Variants in GPAM observed in about 807,000 individuals in gnomAD.
The protein encoded by GPAM is glycerol-3-phosphate acyltransferase, mitochondrial.
In GPAM, 56 loss-of-function variants were observed where a neutral mutation model predicts 105.0. That is an observed-to-expected ratio of 0.53 (90% CI 0.43 to 0.67). The LOEUF is 0.67. Among genes scored for constraint, GPAM ranks in the 30% least tolerant of loss-of-function variants. The pLI, the probability that GPAM is intolerant of heterozygous loss-of-function variation, is 0.00. For missense variants in GPAM, 855 were observed against 989.8 expected (o/e 0.86, Z 1.83); for synonymous variants, 368 against 354.4 (o/e 1.04, Z -0.43).
Position 112,151,839 on chromosome 10 carries a change from T to G in GPAM, c.*1711A>C, listed in dbSNP as rs1371263650. ...AATGTAGCCAAGAAAAGTGTTCTTCTACCCTAGTCAGTAAAATGGAATGCT... is the reference window on the plus strand; with the variant it reads ...AATGTAGCCAAGAAAAGTGTTCTTCGACCCTAGTCAGTAAAATGGAATGCT... On this transcript the variant is annotated 3_prime_UTR_variant, in exon 22 of 22. Transcript: ENST00000348367. 1 of 985,118 alleles carries G rather than the reference T, an allele frequency of 1.0e-6. No homozygotes were observed. Among genetic ancestry groups the G allele is most frequent in the Non-Finnish European group, 1.2e-6 (1 of 829,750 alleles). 61.0% of individuals were successfully genotyped at this position (985,118 alleles called of 1,614,324 possible). A position where few individuals can be genotyped will look rare whatever the true frequency, so the allele number is the denominator to read the frequency against.
At chr10:112,221,976 T>A in the GPAM span, among the ~76,000 whole-genome samples, 1 of 152,204 alleles carries the variant, frequency 6.6e-6, no homozygotes, top group African/African-American at 2.4e-5. Context: ...AAAAACAGCA[T>A]CCTTATCCTT....
rs1847390825 is a variant in GPAM at position 112,175,705 on chromosome 10, C to T, written c.308G>A (p.Gly103Glu). ...GTAAGAAAGGCGTCTTGCAAGCCAT[C>T]CGCGGTGTCTGTGAAAATGATTTAG... ...YINETHTRHR[G>E]WLARRLSYVL... Residue 103 changes from glycine to glutamate, a missense_variant, in exon 6 of 22, where the codon GGA becomes GAA. By Grantham distance (98) the Gly-to-Glu change is moderately conservative. Coordinates refer to ENST00000348367, the MANE Select transcript of GPAM (RefSeq NM_001244949.2). The T allele has an allele frequency of 6.2e-7, 1 of 1,604,592 alleles. No homozygotes were observed.
rs549878574 is a variant in GPAM at position 112,180,572 on chromosome 10, G to C, written c.126C>G (p.Thr42=). The C allele has an allele frequency of 1.2e-6, 2 of 1,609,986 alleles. No homozygotes were observed. Among genetic ancestry groups the C allele is most frequent in the South Asian group, 1.1e-5 (1 of 90,978 alleles). Residue 42 remains threonine (T), a synonymous_variant, in exon 4 of 22, where the codon ACC becomes ACG. Transcript: ENST00000348367. ...EEWGECGFRP[T]IFRSATLKWK... ...ATTTTAAAGTTGCAGATCTGAAGAT[G>C]GTGGGTCTAAAGCCACACTCACCCT...
chr10:112,175,592 G>T lies in GPAM; in HGVS notation c.413+8C>A. Reference sequence around the variant, plus strand: ...TCTTCCCACCTTTACACCTTGCCCCGCCCTTACCTACTGCTGTTCAGCACA... The same window carrying T: ...TCTTCCCACCTTTACACCTTGCCCCTCCCTTACCTACTGCTGTTCAGCACA... On this transcript the variant is annotated splice_region_variant and intron_variant, in intron 6 of 21. Transcript: ENST00000348367. The T allele has an allele frequency of 2.0e-6, 3 of 1,473,928 alleles. No homozygotes were observed. The highest frequency in any genetic ancestry group is 1.7e-4 in the Middle Eastern group (1 of 5,804). 91.3% of individuals were successfully genotyped at this position (1,473,928 alleles called of 1,614,324 possible).
intron 1 of GPAM, among the ~76,000 whole-genome samples, chr10:112,194,686 T>C (rs1004059745): frequency 6.6e-6 from 1 of 152,180 alleles, no homozygotes; most frequent in Non-Finnish European, 1.5e-5. Flanking sequence ...CGGCAGATTA[T>C]TGGGTAGGGA....
upstream of GPAM, among the ~76,000 whole-genome samples, chr10:112,217,859 A>T (rs1165342332): frequency 6.6e-6 from 1 of 152,124 alleles, no homozygotes; most frequent in Non-Finnish European, 1.5e-5. Context: ...CACACACAAA[A>T]CAGGTCTTTA....
intron 17 of GPAM, among the ~76,000 whole-genome samples, chr10:112,159,220 T>TC (rs1354344579): frequency 6.5e-5 from 9 of 139,384 alleles, no homozygotes; most frequent in African/African-American, 2.4e-4. Context: ...GATTTTCTTT[T>TC]TTTTTTTTTT....
At chr10:112,170,871 G>A (rs991297080) in intron 9 of GPAM, among the ~76,000 whole-genome samples, 1 of 152,150 alleles carries the variant, frequency 6.6e-6, no homozygotes, top group Non-Finnish European at 1.5e-5. Context: ...ATGAATCCAT[G>A]GCTTCTCTTC....
chr10:112,151,110 AT>A lies in GPAM; in HGVS notation c.*2439del. On this transcript the variant is annotated 3_prime_UTR_variant, in exon 22 of 22. Coordinates refer to ENST00000348367, the MANE Select transcript of GPAM (RefSeq NM_001244949.2). ...AGACTGCAGTTTCATGTTGTTTAAT[AT>A]TGTTTTTTTTTTTTAACTTGACCAC... 2 of 971,560 alleles carry A rather than the reference AT, an allele frequency of 2.1e-6. No homozygotes were observed. Among genetic ancestry groups the A allele is most frequent in the Non-Finnish European group, 2.4e-6 (2 of 818,596 alleles). The allele number at this position is 971,560 out of a possible 1,614,324, so 60.2% of individuals were successfully genotyped here.
chr10:112,167,036 G>A (rs752348207), intron 11 of GPAM, among the ~76,000 whole-genome samples: 5 of 152,018 alleles, frequency 3.3e-5, no homozygotes, highest in South Asian at 4.2e-4. Flanking sequence ...GACATATAAC[G>A]GACACAGACT....
upstream of GPAM, among the ~76,000 whole-genome samples, chr10:112,185,507 A>T (rs1209199318): frequency 6.6e-6 from 1 of 151,686 alleles, no homozygotes; most frequent in Admixed American, 6.6e-5. Context: ...AAAGACACAA[A>T]CCAAACATCT....
chr10:112,175,480 G>GTGAA, intron 6 of GPAM, 120 bp downstream of exon 6: 1 of 723,846 alleles, frequency 1.4e-6, no homozygotes, highest in East Asian at 2.5e-5. Flanking sequence ...GTTTGGAAAT[G>GTGAA]TGAACACTTC....
chr10:112,202,022 G>C (rs1366296124), intron 1 of GPAM, among the ~76,000 whole-genome samples: 2 of 152,190 alleles, frequency 1.3e-5, no homozygotes, highest in Non-Finnish European at 2.9e-5. Flanking sequence ...GTTTTGCAGA[G>C]AGCTTATGCA....
In GPAM at chr10:112,160,641, A is replaced by G. The variant is rs1224788524; in HGVS notation, c.1722T>C (p.Asn574=). 1.2e-6 allele frequency: 2 copies of G among 1,613,390 alleles called. No individual in the cohort carries two copies. Among genetic ancestry groups the G allele is most frequent in the Admixed American group, 3.3e-5 (2 of 60,016 alleles). The change falls in exon 16 of 22, where the codon AAT becomes AAC. Residue 574 remains asparagine, a synonymous_variant. Transcript: ENST00000348367. ...PSVFELNFYS[N]GVLHVFIMEA... is the part of the protein sequence containing the mutation. Reference sequence around the variant, plus strand: ...CCATGATAAAGACATGAAGTACCCCATTGCTGTAGAAGTTGAGTTCGAAGA... The same window carrying G: ...CCATGATAAAGACATGAAGTACCCCGTTGCTGTAGAAGTTGAGTTCGAAGA...
chr10:112,171,415 T>G (rs1847310937), intron 9 of GPAM, among the ~76,000 whole-genome samples: 1 of 152,248 alleles, frequency 6.6e-6, no homozygotes, highest in South Asian at 2.1e-4. Context: ...CAGAATTGAT[T>G]TCATTCTTTC....
rs1161027731 is a variant in GPAM at position 112,171,100 on chromosome 10, C to T, written c.794+1082G>A. Among the ~76,000 whole-genome samples, 4 of 152,208 alleles carry T rather than the reference C, an allele frequency of 2.6e-5. No individual in the cohort carries two copies. The South Asian group carries it at 8.3e-4, about 32-fold the overall frequency. On this transcript the variant is annotated intron_variant, in intron 9 of 21. Coordinates refer to ENST00000348367, the MANE Select transcript of GPAM (RefSeq NM_001244949.2). ...GCTCCTTTTATCCACTCTCTACCCA[C>T]AGAGCTGACCTTAGAGATGCTTTGT...
chr10:112,194,790 C>G (rs750995368), intron 1 of GPAM, among the ~76,000 whole-genome samples: 2 of 152,174 alleles, frequency 1.3e-5, no homozygotes, highest in Non-Finnish European at 2.9e-5. Flanking sequence ...CTTTCTACCC[C>G]CCTAGATGTT....
intron 19 of GPAM, chr10:112,156,414 A>C (rs1305073631): frequency 3.2e-6 from 1 of 312,538 alleles, no homozygotes; most frequent in Non-Finnish European, 6.2e-6. Flanking sequence ...TGGGCTCAAC[A>C]GTCACTCAAG....
At chr10:112,165,711 C>T (rs1256469093) in intron 12 of GPAM, among the ~76,000 whole-genome samples, 1 of 151,988 alleles carries the variant, frequency 6.6e-6, no homozygotes, top group Admixed American at 6.6e-5. Flanking sequence ...AGTTACCCAG[C>T]TTTTAGGGGA....
Sources: allele counts gnomAD v4.1 joint callset (sites outside exome capture counted in the v4.1 genomes callset), GRCh38; gene constraint gnomAD v4.1.1; transcripts MANE v1.5; gene names NCBI Gene and HGNC (gene_info 2026-07-23, HGNC 2026-07-21).